The following GABRA2 variants were observed in gnomAD, a reference collection of about 807,000 sequenced individuals.
GABRA2 encodes the protein gamma-aminobutyric acid type A receptor subunit alpha2.
In GABRA2, 16 loss-of-function variants were observed where a neutral mutation model predicts 48.7. The observed-to-expected ratio is 0.33, with a 90% CI of 0.22 to 0.50. The LOEUF (loss-of-function observed/expected upper bound fraction) is 0.50, where lower values mean the gene tolerates loss of function less well. GABRA2 is among the 20% of genes least tolerant of loss of function. The pLI is 0.98. For synonymous variants in GABRA2, 185 were observed against 184.5 expected (o/e 1.00, Z -0.02); for missense variants, 275 against 535.6 (o/e 0.51, Z 4.80).
intron 8 of GABRA2, among the ~76,000 whole-genome samples, chr4:46,292,850 G>A (rs1723933020): frequency 6.6e-6 from 1 of 151,588 alleles, no homozygotes; most frequent in Admixed American, 6.6e-5. Context: ...GATTTGTGAG[G>A]GCAGCACCTC....
At chr4:46,333,914 T>A (rs1170315745) in intron 3 of GABRA2, among the ~76,000 whole-genome samples, 1 of 152,144 alleles carries the variant, frequency 6.6e-6, no homozygotes, top group Non-Finnish European at 1.5e-5. Flanking sequence ...TAGTCAATTA[T>A]AAACTTAAAA....
At chr4:46,264,903 G>A (rs978789115) in intron 8 of GABRA2, among the ~76,000 whole-genome samples, 5 of 149,986 alleles carry the variant, frequency 3.3e-5, no homozygotes, top group Non-Finnish European at 4.4e-5. Flanking sequence ...TTTTGGTCAT[G>A]TGTAGTAGTT....
At chr4:46,259,515 C>T (rs1195734846) in intron 9 of GABRA2, among the ~76,000 whole-genome samples, 1 of 151,892 alleles carries the variant, frequency 6.6e-6, no homozygotes, top group African/African-American at 2.4e-5. Context: ...TAACGGTGCA[C>T]ATTCTACATG....
At chr4:46,307,287 G>A (rs2109655480) in intron 6 of GABRA2, among the ~76,000 whole-genome samples, 1 of 151,386 alleles carries the variant, frequency 6.6e-6, no homozygotes, top group Non-Finnish European at 1.5e-5. Context: ...TGTAGATCAA[G>A]TAGCTTGTTT....
intron 3 of GABRA2, among the ~76,000 whole-genome samples, chr4:46,381,989 T>A (rs939568764): frequency 6.6e-6 from 1 of 152,102 alleles, no homozygotes; most frequent in Non-Finnish European, 1.5e-5. Context: ...AAATGGAAAG[T>A]CATTCAAGAG....
At chr4:46,292,340 C>T (rs1221912540) in intron 8 of GABRA2, among the ~76,000 whole-genome samples, 1 of 152,088 alleles carries the variant, frequency 6.6e-6, no homozygotes, top group Non-Finnish European at 1.5e-5. Flanking sequence ...GACACAAGCT[C>T]TTATCATGCA....
chr4:46,315,091 C>T (rs754848350), intron 4 of GABRA2, among the ~76,000 whole-genome samples: 9 of 150,654 alleles, frequency 6.0e-5, no homozygotes, highest in African/African-American at 2.2e-4. Flanking sequence ...GCTGAACTAA[C>T]TTACATTCCC....
intron 3 of GABRA2, chr4:46,366,569 G>A (rs1475444420): frequency 1.3e-5 from 2 of 152,046 alleles, no homozygotes; most frequent in Admixed American, 6.6e-5. Flanking sequence ...ATAATTAGGT[G>A]ACAAAAGGCA....
intron 3 of GABRA2, among the ~76,000 whole-genome samples, chr4:46,356,095 C>T (rs1331678163): frequency 6.6e-6 from 1 of 152,144 alleles, no homozygotes; most frequent in Admixed American, 6.5e-5. Context: ...CTGTGGCACT[C>T]AATGCCCCTG....
intron 3 of GABRA2, among the ~76,000 whole-genome samples, chr4:46,361,804 C>G (rs1713237646): frequency 6.6e-6 from 1 of 152,228 alleles, no homozygotes; most frequent in African/African-American, 2.4e-5. Flanking sequence ...CCACCTCTTG[C>G]ATCAGCATTA....
intron 5 of GABRA2, among the ~76,000 whole-genome samples, chr4:46,311,237 G>A (rs1453655898): frequency 6.6e-6 from 1 of 152,146 alleles, no homozygotes; most frequent in African/African-American, 2.4e-5. Flanking sequence ...AGACTAGCTA[G>A]CACTTCCATT....
chr4:46,341,615 G>A (rs1733255520), intron 3 of GABRA2, among the ~76,000 whole-genome samples: 2 of 152,020 alleles, frequency 1.3e-5, no homozygotes, highest in African/African-American at 2.4e-5. Context: ...GGATTAGGGG[G>A]AAGTAACATC....
intron 8 of GABRA2, 42 bp downstream of exon 8, chr4:46,303,418 T>A (rs1337781876): frequency 1.3e-6 from 2 of 1,536,748 alleles, no homozygotes; most frequent in Non-Finnish European, 1.8e-6. Context: ...AAGTATGCTA[T>A]GAAACATAAT....
intron 4 of GABRA2, among the ~76,000 whole-genome samples, chr4:46,315,399 G>C (rs532577882): frequency 1.6e-4 from 25 of 151,828 alleles, no homozygotes; most frequent in East Asian, 9.7e-4. Context: ...ATTTATCTTT[G>C]AGGGCTCACA....
intron 9 of GABRA2, among the ~76,000 whole-genome samples, chr4:46,253,254 C>T (rs1407718794): frequency 1.3e-5 from 2 of 151,232 alleles, no homozygotes; most frequent in African/African-American, 4.8e-5. Context: ...ACTTGAATAC[C>T]CTTCAGTTGC....
intron 8 of GABRA2, among the ~76,000 whole-genome samples, chr4:46,295,868 A>C (rs1416309508): frequency 6.6e-6 from 1 of 152,122 alleles, no homozygotes; most frequent in Non-Finnish European, 1.5e-5. Context: ...TTCTGCCAAG[A>C]CTATCATCTA....
At chr4:46,354,417 T>A (rs1735647106) in intron 3 of GABRA2, among the ~76,000 whole-genome samples, 2 of 152,150 alleles carry the variant, frequency 1.3e-5, no homozygotes, top group African/African-American at 2.4e-5. Flanking sequence ...CAGAATCTAA[T>A]CCTAATTTAG....
intron 4 of GABRA2, among the ~76,000 whole-genome samples, chr4:46,332,103 T>TA (rs1333317030): frequency 6.6e-6 from 1 of 152,094 alleles, no homozygotes; most frequent in Non-Finnish European, 1.5e-5. Context: ...TTTAGGTTGA[T>TA]TTATATATAC....
chr4:46,379,266 A>G (rs981463206), intron 3 of GABRA2, among the ~76,000 whole-genome samples: 2 of 152,208 alleles, frequency 1.3e-5, no homozygotes, highest in African/African-American at 4.8e-5. Flanking sequence ...TTTCCATGCC[A>G]TATGGAGAGA....
Sources: allele counts gnomAD v4.1 joint callset (sites outside exome capture counted in the v4.1 genomes callset), GRCh38; gene constraint gnomAD v4.1.1; transcripts MANE v1.5; gene names NCBI Gene and HGNC (gene_info 2026-07-23, HGNC 2026-07-21).